NTN1: variants seen among roughly 807,000 people sequenced by gnomAD.
NTN1 encodes netrin-1.
Under a neutral mutation model 54.2 loss-of-function variants are expected in NTN1, and 11 were observed. That is an observed-to-expected ratio of 0.20 (90% CI 0.13 to 0.34). The LOEUF is 0.34. Ranked by LOEUF, NTN1 falls within the 10% of genes least tolerant of loss-of-function variation. The pLI is 1.00. For missense variants in NTN1, 740 were observed against 893.1 expected (o/e 0.83, Z 2.18); for synonymous variants, 371 against 382.0 (o/e 0.97, Z 0.33).
At chr17:9,052,621 A>G (rs1385133671) in intron 2 of NTN1, among the ~76,000 whole-genome samples, 1 of 152,264 alleles carries the variant, frequency 6.6e-6, no homozygotes, top group Non-Finnish European at 1.5e-5. Context: ...AGGTAAAAAT[A>G]TAAGTCTAGA....
chr17:9,205,967 C>T (rs1052562351), intron 5 of NTN1, among the ~76,000 whole-genome samples: 3 of 152,126 alleles, frequency 2.0e-5, no homozygotes, highest in African/African-American at 7.2e-5. Flanking sequence ...TCCGGTTGCT[C>T]CTGCCGCAGA....
chr17:9,015,841 C>G, the NTN1 span, among the ~76,000 whole-genome samples: 1 of 152,108 alleles, frequency 6.6e-6, no homozygotes, highest in South Asian at 2.1e-4. Flanking sequence ...GAGGCCAAGG[C>G]GGGCGAATCA....
chr17:9,193,927 A>AT, intron 5 of NTN1, among the ~76,000 whole-genome samples: 1 of 136,316 alleles, frequency 7.3e-6, no homozygotes, highest in African/African-American at 2.7e-5. Context: ...GACTAAAAAA[A>AT]AAAAAAAAAA....
At chr17:9,005,057 T>C in the NTN1 span, among the ~76,000 whole-genome samples, 1 of 152,130 alleles carries the variant, frequency 6.6e-6, no homozygotes, top group African/African-American at 2.4e-5. Flanking sequence ...GGGCTCTCAG[T>C]AGAAGGATCC....
At chr17:9,036,719 T>A (rs12600704) in intron 2 of NTN1, among the ~76,000 whole-genome samples, 88 of 151,962 alleles carry the variant, frequency 5.8e-4, no homozygotes, top group Non-Finnish European at 1.1e-3. Context: ...ATTCTGTAGG[T>A]CTAGTGGAAT....
chr17:9,081,655 T>G (rs1028288765), intron 2 of NTN1, among the ~76,000 whole-genome samples: 17 of 152,214 alleles, frequency 1.1e-4, no homozygotes, highest in African/African-American at 3.9e-4. Context: ...AGCTCTGGCC[T>G]CAGGTGGGCC....
intron 2 of NTN1, among the ~76,000 whole-genome samples, chr17:9,138,969 C>T (rs2092289515): frequency 1.3e-5 from 2 of 152,182 alleles, no homozygotes; most frequent in African/African-American, 4.8e-5. Flanking sequence ...ATGTGCTTTT[C>T]ACCTAAGACC....
At chr17:9,235,457 T>C (rs780216457) in intron 6 of NTN1, among the ~76,000 whole-genome samples, 3 of 122,134 alleles carry the variant, frequency 2.5e-5, no homozygotes, top group Non-Finnish European at 3.9e-5. Context: ...AGTTCAGGCA[T>C]GCTAAGGGCC....
At chr17:9,003,835 TGCCATTC>T in the NTN1 span, among the ~76,000 whole-genome samples, 1 of 151,708 alleles carries the variant, frequency 6.6e-6, no homozygotes, top group Admixed American at 6.5e-5. The surrounding 1 kb of genome is among the most constrained non-coding windows in gnomAD (Gnocchi z 7.4). Flanking sequence ...AGACAGAAAA[TGCCATTC>T]GCCGAGCGCT....
rs139292114 is a variant in NTN1, at chr17:9,061,734, C to T, written c.1018+38343C>T. The stretch of plus-strand genomic sequence containing the variant: ...GTTTTGTTTTTTTGAGACGGATTCT[C>T]GCTCTGTCGCCCAGACCAGAGTCCA... On this transcript the variant is annotated intron_variant, in intron 2 of 6. Transcript: ENST00000173229. 2.8e-3 allele frequency among the ~76,000 whole-genome samples: 432 copies of T among 152,046 alleles called. 5 individuals carry two copies. Among genetic ancestry groups the T allele is most frequent in the African/African-American group, 9.7e-3 (403 of 41,460 alleles).
intron 5 of NTN1, among the ~76,000 whole-genome samples, chr17:9,186,607 C>G (rs2092433552): frequency 6.6e-6 from 1 of 152,244 alleles, no homozygotes; most frequent in African/African-American, 2.4e-5. Flanking sequence ...CAAGGGCACC[C>G]TTGCACATTA....
chr17:9,129,520 T>A (rs1206508887), intron 2 of NTN1, among the ~76,000 whole-genome samples: 1 of 152,152 alleles, frequency 6.6e-6, no homozygotes, highest in Non-Finnish European at 1.5e-5. Flanking sequence ...CTGAGTTTCA[T>A]CCCATCAAAA....
chr17:9,086,063 C>T (rs1415556737), intron 2 of NTN1, among the ~76,000 whole-genome samples: 14 of 152,192 alleles, frequency 9.2e-5, no homozygotes, highest in Admixed American at 9.2e-4. Flanking sequence ...ATGAAAGCAA[C>T]TTCATAAACA....
chr17:9,045,614 G>T (rs1164566816), intron 2 of NTN1, among the ~76,000 whole-genome samples: 1 of 152,134 alleles, frequency 6.6e-6, no homozygotes, highest in Non-Finnish European at 1.5e-5. Flanking sequence ...AAATTAATGA[G>T]CTAAGTATCT....
At chr17:9,183,206 C>A in intron 5 of NTN1, 1 of 691,528 alleles carries the variant, frequency 1.4e-6, no homozygotes, top group South Asian at 1.5e-5. Context: ...CTCTCCCAAG[C>A]CTGGAACCCT....
At chr17:9,218,645 C>T (rs1050015177) in intron 5 of NTN1, among the ~76,000 whole-genome samples, 2 of 151,590 alleles carry the variant, frequency 1.3e-5, no homozygotes, top group Admixed American at 1.3e-4. Context: ...TGCCCCGCCC[C>T]CCACCCCCGG....
In NTN1 at chr17:9,187,408, A is replaced by G. The variant is rs549862391; in HGVS notation, c.1411+4439A>G. Among the ~76,000 whole-genome samples, 4 of 152,302 alleles carry G rather than the reference A, an allele frequency of 2.6e-5. No homozygotes were observed. In the East Asian group the frequency reaches 7.7e-4, roughly 29 times the overall value. On this transcript the variant is annotated intron_variant, in intron 5 of 6. Transcript: ENST00000173229. ...AACTAGAAACCAGTTAAAGGTCAAGAGCTTCACTTCATGATAGCCAAAAGG... is the reference window on the plus strand; with the variant it reads ...AACTAGAAACCAGTTAAAGGTCAAGGGCTTCACTTCATGATAGCCAAAAGG...
At chr17:9,139,980 A>G (rs1196216163) in intron 2 of NTN1, among the ~76,000 whole-genome samples, 7 of 151,990 alleles carry the variant, frequency 4.6e-5, no homozygotes, top group Non-Finnish European at 1.0e-4. Flanking sequence ...ATCCAAAATA[A>G]AAGTTCAATC....
chr17:9,022,817 C>T lies in NTN1; in HGVS notation c.444C>T (p.Ser148=). ...AGAAGTTCGAAGTGACCTACGTGAG[C>T]CTGCAGTTCTGCTCGCCGCGGCCCG... The part of the protein sequence containing the change: ...LGKKFEVTYV[S]LQFCSPRPES... Residue 148 remains serine (S), a synonymous_variant, in exon 2 of 7, where the codon AGC becomes AGT. Transcript: ENST00000173229. 6.2e-7 allele frequency: 1 copy of T among 1,611,542 alleles called. No homozygotes were observed. The highest frequency in any genetic ancestry group is 8.5e-7 in the Non-Finnish European group (1 of 1,179,478).
Sources: allele counts gnomAD v4.1 joint callset (sites outside exome capture counted in the v4.1 genomes callset), GRCh38; gene constraint gnomAD v4.1.1; non-coding constraint Gnocchi (gnomAD v3.1); transcripts MANE v1.5; gene names NCBI Gene and HGNC (gene_info 2026-07-23, HGNC 2026-07-21).